The following TLCD4 variants were observed in gnomAD, a reference collection of about 807,000 sequenced individuals.
TLCD4 encodes TLC domain-containing protein 4.
Under a neutral mutation model 24.2 loss-of-function variants are expected in TLCD4, and 7 were observed. That is an observed-to-expected ratio of 0.29 (90% CI 0.16 to 0.54). The LOEUF (loss-of-function observed/expected upper bound fraction) is 0.54, where lower values mean the gene tolerates loss of function less well. TLCD4 is among the 20% of genes least tolerant of loss of function. The pLI is 0.95. For missense variants in TLCD4, 259 were observed against 313.9 expected (o/e 0.82, Z 1.32); for synonymous variants, 103 against 106.4 (o/e 0.97, Z 0.20).
chr1:95,145,623 G>C lies in TLCD4; in HGVS notation c.155+1567G>C, dbSNP rs1429690328. 3.9e-5 allele frequency among the ~76,000 whole-genome samples: 6 copies of C among 152,132 alleles called. 1 individual carries two copies. Among genetic ancestry groups the C allele is most frequent in the Admixed American group, 2.6e-4 (4 of 15,284 alleles). On this transcript the variant is annotated intron_variant, in intron 2 of 6. Transcript: ENST00000370203. Reference sequence around the variant, plus strand: ...ACATATGAAGATAGATGGAATGGTAGGAAAGAGAAGGGGGTACATACGTTC... The same window carrying C: ...ACATATGAAGATAGATGGAATGGTACGAAAGAGAAGGGGGTACATACGTTC...
chr1:95,144,946 C>G (rs180701309), intron 2 of TLCD4, among the ~76,000 whole-genome samples: 1 of 152,176 alleles, frequency 6.6e-6, no homozygotes, highest in Non-Finnish European at 1.5e-5. Flanking sequence ...CCACCTTGCC[C>G]TCCCAAAGTG....
chr1:95,148,861 CACTT>C lies in TLCD4; in HGVS notation c.245+75_245+78del, dbSNP rs1028683111. ...TGATATTAATTATTTATAAGAACAT[CACTT>C]ACTTTAAAACAGAAAACATATTGAT... On this transcript the variant is annotated intron_variant, in intron 3 of 6. Coordinates refer to ENST00000370203, the MANE Select transcript of TLCD4 (RefSeq NM_152487.3). The C allele has an allele frequency of 3.1e-5, 49 of 1,562,210 alleles. No individual in the cohort carries two copies. In the African/African-American group the frequency reaches 5.8e-4, roughly 18 times the overall value.
At chr1:95,130,231 C>CA (rs1221520253) in intron 1 of TLCD4, among the ~76,000 whole-genome samples, 2 of 152,000 alleles carry the variant, frequency 1.3e-5, no homozygotes, top group Non-Finnish European at 2.9e-5. Context: ...CGGCTCACTG[C>CA]AGCCTCCGCC....
intron 1 of TLCD4, among the ~76,000 whole-genome samples, chr1:95,136,594 C>T (rs2100924809): frequency 6.6e-6 from 1 of 152,276 alleles, no homozygotes; most frequent in Non-Finnish European, 1.5e-5. Context: ...CTCAATTCTA[C>T]TTTGGATCAT....
intron 5 of TLCD4, among the ~76,000 whole-genome samples, chr1:95,153,031 A>G (rs1331360355): frequency 6.8e-6 from 1 of 147,080 alleles, no homozygotes; most frequent in African/African-American, 2.5e-5. Context: ...ATCATTCAAT[A>G]TGCATCAATT....
chr1:95,154,638 C>T (rs970304596), intron 5 of TLCD4, among the ~76,000 whole-genome samples: 1 of 152,040 alleles, frequency 6.6e-6, no homozygotes, highest in Non-Finnish European at 1.5e-5. Flanking sequence ...TAGGTAGGAA[C>T]ACTGTTTCAC....
At chr1:95,103,964 A>C in the TLCD4 span, among the ~76,000 whole-genome samples, 2 of 152,240 alleles carry the variant, frequency 1.3e-5, 1 homozygote, top group South Asian at 4.1e-4. Context: ...CTGTGTGCCT[A>C]AAACAGTGTT....
At chr1:95,114,870 G>C (rs1676400198), upstream of TLCD4, among the ~76,000 whole-genome samples, 1 of 151,848 alleles carries the variant, frequency 6.6e-6, no homozygotes, top group African/African-American at 2.4e-5. Context: ...CCCATTTCAA[G>C]TGTGGATAAA....
intron 1 of TLCD4, among the ~76,000 whole-genome samples, chr1:95,131,971 G>C (rs1557679605): frequency 6.6e-6 from 1 of 152,140 alleles, no homozygotes; most frequent in Non-Finnish European, 1.5e-5. Context: ...TAGTTCCTTT[G>C]AGAGTGGGTT....
intron 6 of TLCD4, 77 bp downstream of exon 6, chr1:95,173,966 C>T: frequency 6.4e-7 from 1 of 1,570,786 alleles, no homozygotes. Flanking sequence ...TTCCCGTGAT[C>T]CTCAAGTTAC....
chr1:95,092,639 A>G, the TLCD4 span, among the ~76,000 whole-genome samples: 1 of 152,132 alleles, frequency 6.6e-6, no homozygotes, highest in African/African-American at 2.4e-5. Flanking sequence ...TGAAGCCAGC[A>G]AGACCACGAA....
chr1:95,182,771 A>C (rs1306771580), intron 6 of TLCD4, among the ~76,000 whole-genome samples: 4 of 152,178 alleles, frequency 2.6e-5, no homozygotes, highest in Non-Finnish European at 5.9e-5. Flanking sequence ...TCATTGATTG[A>C]TACTTGTCAC....
chr1:95,147,450 GATTA>G (rs773724627), intron 2 of TLCD4, among the ~76,000 whole-genome samples: 41 of 152,246 alleles, frequency 2.7e-4, no homozygotes, highest in Non-Finnish European at 2.5e-4. Context: ...AGATAAATTG[GATTA>G]ATTATTCACA....
At chr1:95,185,025 T>C (rs754031124) in intron 6 of TLCD4, among the ~76,000 whole-genome samples, 45 of 152,174 alleles carry the variant, frequency 3.0e-4, no homozygotes, top group East Asian at 5.8e-4. Context: ...CCAATTTCTT[T>C]TTTTTTTTCT....
rs1005998055 is a variant in TLCD4 at position 95,139,117 on chromosome 1, G to A, written c.-11-4774G>A. 5.6e-5 allele frequency among the ~76,000 whole-genome samples: 8 copies of A among 143,536 alleles called. 1 individual carries two copies. The South Asian group carries it at 1.8e-3, about 33-fold the overall frequency. The allele number at this position is 143,536 out of a possible 152,430, so 94.2% of individuals were successfully genotyped here. Reference sequence around the variant, plus strand: ...TTGAGCCTAGAAGTTTGAGGTTATAGTGAGCTATGATTGTGCCACTGCACT... The same window carrying A: ...TTGAGCCTAGAAGTTTGAGGTTATAATGAGCTATGATTGTGCCACTGCACT... On this transcript the variant is annotated intron_variant, in intron 1 of 6. Coordinates refer to ENST00000370203, the MANE Select transcript of TLCD4 (RefSeq NM_152487.3).
the TLCD4 span, among the ~76,000 whole-genome samples, chr1:95,098,937 T>C: frequency 1.5e-4 from 22 of 150,606 alleles, no homozygotes; most frequent in Non-Finnish European, 2.1e-4. Flanking sequence ...GGCGCATGCC[T>C]GTAATCCCAG....
At chr1:95,117,998 C>T (rs1249403929) in intron 1 of TLCD4, 2 of 152,204 alleles carry the variant, frequency 1.3e-5, no homozygotes, top group Non-Finnish European at 2.9e-5. Flanking sequence ...CGGTGCCTCT[C>T]GGGTCTGAGC....
At chr1:95,153,865 G>A (rs538685773) in intron 5 of TLCD4, among the ~76,000 whole-genome samples, 1 of 152,234 alleles carries the variant, frequency 6.6e-6, no homozygotes, top group South Asian at 2.1e-4. Context: ...ACTACTAAGT[G>A]GAAGGGGGAG....
At chr1:95,095,689 G>A in the TLCD4 span, among the ~76,000 whole-genome samples, 3 of 152,244 alleles carry the variant, frequency 2.0e-5, no homozygotes, top group Non-Finnish European at 4.4e-5. Flanking sequence ...GAGCCACCGC[G>A]CCGGCACCTC....
Sources: allele counts gnomAD v4.1 joint callset (sites outside exome capture counted in the v4.1 genomes callset), GRCh38; gene constraint gnomAD v4.1.1; transcripts MANE v1.5; gene names NCBI Gene and HGNC (gene_info 2026-07-23, HGNC 2026-07-21).